GPC6: variants seen among roughly 807,000 people sequenced by gnomAD.
GPC6 encodes glypican-6.
In GPC6, 14 loss-of-function variants were observed where a neutral mutation model predicts 55.2. That is an observed-to-expected ratio of 0.25 (90% CI 0.17 to 0.40). The LOEUF is 0.40. Among genes scored for constraint, GPC6 ranks in the 10% least tolerant of loss-of-function variants. The probability of loss-of-function intolerance (pLI) is 1.00; values close to 1 mark genes in which losing one functional copy is unlikely to be tolerated. For synonymous variants in GPC6, 278 were observed against 259.6 expected (o/e 1.07, Z -0.68); for missense variants, 641 against 708.5 (o/e 0.90, Z 1.08).
chr13:94,402,690 A>C (rs1457649476), intron 8 of GPC6, among the ~76,000 whole-genome samples: 1 of 152,198 alleles, frequency 6.6e-6, no homozygotes, highest in African/African-American at 2.4e-5. Flanking sequence ...ACAGTTCAGC[A>C]TGGCTGGGGA....
At chr13:93,588,697 A>C (rs1335347288) in intron 2 of GPC6, among the ~76,000 whole-genome samples, 6 of 152,120 alleles carry the variant, frequency 3.9e-5, no homozygotes, top group Non-Finnish European at 8.8e-5. Context: ...AATGCCACAC[A>C]CTTTTAAATG....
intron 1 of GPC6, among the ~76,000 whole-genome samples, chr13:93,390,618 G>A (rs1875588866): frequency 1.3e-5 from 2 of 151,894 alleles, no homozygotes; most frequent in Non-Finnish European, 2.9e-5. Context: ...CCATTTCTGG[G>A]GTGTCTGCTA....
At chr13:93,371,134 T>C (rs985116213) in intron 1 of GPC6, among the ~76,000 whole-genome samples, 28 of 152,132 alleles carry the variant, frequency 1.8e-4, no homozygotes, top group African/African-American at 5.8e-4. Flanking sequence ...AAATGTAACA[T>C]AGTTCTTGAC....
chr13:93,576,227 G>T (rs1296637596), intron 2 of GPC6, among the ~76,000 whole-genome samples: 2 of 152,070 alleles, frequency 1.3e-5, no homozygotes, highest in Admixed American at 6.6e-5. Flanking sequence ...AGACAGTACA[G>T]AACAGTGTTA....
intron 1 of GPC6, among the ~76,000 whole-genome samples, chr13:93,279,010 A>G (rs572082776): frequency 2.6e-5 from 4 of 152,372 alleles, no homozygotes; most frequent in Admixed American, 2.6e-4. Flanking sequence ...GTTAAAAAAG[A>G]CGAAATATGA....
At chr13:93,534,814 G>T (rs1189956256) in intron 1 of GPC6, among the ~76,000 whole-genome samples, 2 of 152,130 alleles carry the variant, frequency 1.3e-5, no homozygotes, top group African/African-American at 4.8e-5. Flanking sequence ...CTTCCTGGTA[G>T]AACTCCCTTC....
At chr13:93,653,746 C>G (rs751905432) in intron 2 of GPC6, among the ~76,000 whole-genome samples, 1 of 152,072 alleles carries the variant, frequency 6.6e-6, no homozygotes, top group Non-Finnish European at 1.5e-5. Flanking sequence ...AAGTTAAATT[C>G]TTTTCAGGCT....
chr13:93,892,211 A>G (rs1875736294), intron 3 of GPC6, among the ~76,000 whole-genome samples: 1 of 152,162 alleles, frequency 6.6e-6, no homozygotes, highest in Non-Finnish European at 1.5e-5. Flanking sequence ...TTGAAGAAGC[A>G]TATCTGTAAG....
rs1327148804 is a variant in GPC6, at chr13:93,902,549, C to A, written c.711+72004C>A. Among the ~76,000 whole-genome samples the A allele has an allele frequency of 3.3e-5, 5 of 152,092 alleles. No individual in the cohort carries two copies. In the East Asian group the frequency reaches 9.6e-4, roughly 29 times the overall value. On this transcript the variant is annotated intron_variant, in intron 3 of 8. Transcript: ENST00000377047. ...GTACAGGTATCTCTCACACTTATTG[C>A]CCTTCCTTTAGATCTATAGCCAGTA...
At chr13:94,138,513 G>A (rs1195157468) in intron 4 of GPC6, among the ~76,000 whole-genome samples, 1 of 152,118 alleles carries the variant, frequency 6.6e-6, no homozygotes, top group Admixed American at 6.5e-5. Context: ...GGGATGGTTT[G>A]CTTTGTCTTC....
intron 3 of GPC6, among the ~76,000 whole-genome samples, chr13:93,941,419 C>A (rs892919779): frequency 6.6e-6 from 1 of 152,046 alleles, no homozygotes; most frequent in East Asian, 1.9e-4. Flanking sequence ...ATCCACTAGC[C>A]CACCATATAA....
intron 2 of GPC6, among the ~76,000 whole-genome samples, chr13:93,644,766 GTAAATAAATAAATAAA>G (rs58920250): frequency 7.7e-4 from 111 of 143,262 alleles, no homozygotes; most frequent in Middle Eastern, 3.5e-3. Context: ...GCCATCAAGA[GTAAATAAATAAATAAA>G]TAAATAAATA....
intron 4 of GPC6, among the ~76,000 whole-genome samples, chr13:94,277,354 C>A (rs1236733722): frequency 6.6e-6 from 1 of 151,632 alleles, no homozygotes; most frequent in East Asian, 1.9e-4. Context: ...GGGTAGATTG[C>A]AAAATTTTTC....
intron 1 of GPC6, among the ~76,000 whole-genome samples, chr13:93,319,232 C>T (rs1448015220): frequency 3.3e-5 from 5 of 152,254 alleles, no homozygotes; most frequent in African/African-American, 1.2e-4. Flanking sequence ...GGTTGACAAG[C>T]TGCAGCCCTC....
chr13:93,595,464 T>C (rs1377553611), intron 2 of GPC6, among the ~76,000 whole-genome samples: 2 of 152,188 alleles, frequency 1.3e-5, no homozygotes, highest in African/African-American at 4.8e-5. Context: ...TTCTAGCAAA[T>C]ACTACTGCAA....
chr13:93,558,779 C>T (rs1875607547), intron 2 of GPC6, among the ~76,000 whole-genome samples: 1 of 152,152 alleles, frequency 6.6e-6, no homozygotes, highest in South Asian at 2.1e-4. Flanking sequence ...AACAGGTTTA[C>T]ACTGTGGGGT....
At chr13:94,116,856 A>G (rs2138847660) in intron 4 of GPC6, among the ~76,000 whole-genome samples, 1 of 152,166 alleles carries the variant, frequency 6.6e-6, no homozygotes, top group Non-Finnish European at 1.5e-5. Flanking sequence ...GCTGCTGCCC[A>G]GGTTAGGTGA....
chr13:94,029,268 G>A (rs1029496864), intron 4 of GPC6, among the ~76,000 whole-genome samples: 1 of 152,136 alleles, frequency 6.6e-6, no homozygotes, highest in Admixed American at 6.5e-5. Flanking sequence ...TTGAAGTGCC[G>A]TTACCTCTCC....
intron 1 of GPC6, among the ~76,000 whole-genome samples, chr13:93,255,882 T>A (rs1876934551): frequency 6.6e-6 from 1 of 152,216 alleles, no homozygotes; most frequent in African/African-American, 2.4e-5. Flanking sequence ...GCCTGTAATC[T>A]CAGCATTTTG....
Sources: gnomAD v4.1 joint callset for allele counts (sites outside exome capture counted in the v4.1 genomes callset) on GRCh38, gnomAD v4.1.1 for gene constraint, MANE v1.5 for transcripts, NCBI Gene and HGNC (gene_info 2026-07-23, HGNC 2026-07-21) for gene names.